Variants in PRIMA1 observed in about 807,000 individuals in gnomAD.
PRIMA1 encodes the protein proline-rich membrane anchor 1.
In PRIMA1, 7 loss-of-function variants were observed where a neutral mutation model predicts 17.5. That is an observed-to-expected ratio of 0.40 (90% CI 0.23 to 0.75). The LOEUF is 0.75. Among genes scored for constraint, PRIMA1 ranks in the 30% least tolerant of loss-of-function variants. PRIMA1 has a pLI of 0.37. For synonymous variants in PRIMA1, 97 were observed against 77.9 expected, an observed-to-expected ratio of 1.25 and a Z score of -1.29; for missense variants, 200 against 201.8, an observed-to-expected ratio of 0.99 and a Z score of 0.05.
At chr14:93,774,660 C>T (rs887744521) in intron 3 of PRIMA1, among the ~76,000 whole-genome samples, 2 of 152,200 alleles carry the variant, frequency 1.3e-5, no homozygotes, top group East Asian at 3.9e-4. Context: ...GGGAATTCTC[C>T]CACGTCTTCC....
rs1221627092 is a variant in PRIMA1, at chr14:93,779,241, C to T, written c.164G>A (p.Arg55Gln). 2.0e-6 allele frequency: 3 copies of T among 1,515,960 alleles called. No individual in the cohort carries two copies. The highest frequency in any genetic ancestry group is 1.3e-5 in the South Asian group (1 of 76,000). 93.9% of individuals were successfully genotyped at this position (1,515,960 alleles called of 1,614,324 possible). A position where few individuals can be genotyped will look rare whatever the true frequency, so the allele number is the denominator to read the frequency against. ...CGGCGGGGGCAGCGGGGGAGGGGGCCGGCACTGGCAGACGTGTCGGCAGCT... is the reference window on the plus strand; with the variant it reads ...CGGCGGGGGCAGCGGGGGAGGGGGCTGGCACTGGCAGACGTGTCGGCAGCT... ...TDSCRHVCQC[R>Q]PPPPLPPPPP... The change falls in exon 3 of 5, where the codon CGG becomes CAG. Residue 55 changes from arginine to glutamine, a missense_variant. By Grantham distance (43) the Arg-to-Gln change is conservative. Transcript: ENST00000393140.
Position 93,786,565 on chromosome 14 carries a change from C to T in PRIMA1, c.93+1061G>A, listed in dbSNP as rs202140851. Among the ~76,000 whole-genome samples the T allele has an allele frequency of 2.0e-5, 3 of 152,208 alleles. No homozygotes were observed. The East Asian group carries it at 5.8e-4, about 30-fold the overall frequency. On this transcript the variant is annotated intron_variant, in intron 2 of 4. Transcript: ENST00000393140. ...TCCTGGTCTGTCACCCCTACTAGTA[C>T]AGAGCAACCATGTGAATTGTCCCCA... is the stretch of plus-strand genomic sequence containing the variant.
At chr14:93,759,500 T>G (rs57088361) in intron 3 of PRIMA1, among the ~76,000 whole-genome samples, 21,121 of 151,970 alleles carry the variant, frequency 0.14, 2,385 homozygotes, top group African/African-American at 0.31. Context: ...CGTGCATGTG[T>G]GCGTGTGCAT....
chr14:93,755,840 A>G (rs1441839090), intron 3 of PRIMA1, among the ~76,000 whole-genome samples: 1 of 152,064 alleles, frequency 6.6e-6, no homozygotes, highest in African/African-American at 2.4e-5. Flanking sequence ...CCACAAGGGT[A>G]ATGAGAACCC....
At chr14:93,763,168 C>T (rs943351721) in intron 3 of PRIMA1, among the ~76,000 whole-genome samples, 1 of 152,210 alleles carries the variant, frequency 6.6e-6, no homozygotes, top group Admixed American at 6.5e-5. Context: ...GTGTTGCAGG[C>T]TCCTAGTATA....
chr14:93,759,657 T>G (rs778724978), intron 3 of PRIMA1, among the ~76,000 whole-genome samples: 1 of 152,138 alleles, frequency 6.6e-6, no homozygotes, highest in Non-Finnish European at 1.5e-5. Flanking sequence ...GAAGCCTCCC[T>G]GAGTGTTCCA....
At chr14:93,748,479 G>A (rs1400551877) in intron 3 of PRIMA1, among the ~76,000 whole-genome samples, 1 of 152,200 alleles carries the variant, frequency 6.6e-6, no homozygotes, top group Non-Finnish European at 1.5e-5. Flanking sequence ...CTCTGAGGAG[G>A]CGACGTTCAA....
chr14:93,763,970 C>T (rs1050488264), intron 3 of PRIMA1, among the ~76,000 whole-genome samples: 1 of 152,088 alleles, frequency 6.6e-6, no homozygotes, highest in African/African-American at 2.4e-5. Context: ...GCCTGGGACT[C>T]GGGATCTCCG....
In PRIMA1 at chr14:93,719,498, T is replaced by C. The variant is rs2076023569; in HGVS notation, c.*1946A>G. On this transcript the variant is annotated 3_prime_UTR_variant, in exon 5 of 5. Transcript: ENST00000393140. Reference sequence around the variant, plus strand: ...AGCCCAAGGCATGGGCACTTTCTCATGGTTGCAGCACAGGGTGGTGTGTGC... The same window carrying C: ...AGCCCAAGGCATGGGCACTTTCTCACGGTTGCAGCACAGGGTGGTGTGTGC... 2 of 152,364 alleles carry C rather than the reference T, an allele frequency of 1.3e-5. No individual in the cohort carries two copies. The highest frequency in any genetic ancestry group is 4.8e-5 in the African/African-American group (2 of 41,444). 9.4% of individuals were successfully genotyped at this position (152,364 alleles called of 1,614,324 possible). A position where few individuals can be genotyped will look rare whatever the true frequency, so the allele number is the denominator to read the frequency against.
intron 3 of PRIMA1, among the ~76,000 whole-genome samples, chr14:93,768,372 T>C (rs150844712): frequency 6.6e-6 from 1 of 152,212 alleles, no homozygotes; most frequent in African/African-American, 2.4e-5. Context: ...CCATCACACC[T>C]CACCTGTTTC....
intron 3 of PRIMA1, among the ~76,000 whole-genome samples, chr14:93,769,509 G>A (rs576367252): frequency 6.6e-6 from 1 of 152,202 alleles, no homozygotes; most frequent in Non-Finnish European, 1.5e-5. Context: ...CTTGAAGCAG[G>A]AGACATTCAA....
chr14:93,737,153 AAAT>A (rs1376632963), intron 4 of PRIMA1, 85 bp downstream of exon 4: 40 of 1,310,548 alleles, frequency 3.1e-5, no homozygotes, highest in Non-Finnish European at 3.4e-5. Context: ...TTATAATTTA[AAAT>A]AATGATACGG....
chr14:93,745,475 C>T (rs1218433764), intron 3 of PRIMA1, among the ~76,000 whole-genome samples: 3 of 152,238 alleles, frequency 2.0e-5, no homozygotes, highest in African/African-American at 7.2e-5. Context: ...TGTGCAGCGC[C>T]TTTCAGGCCC....
At chr14:93,774,446 G>A (rs1566977049) in intron 3 of PRIMA1, among the ~76,000 whole-genome samples, 1 of 152,206 alleles carries the variant, frequency 6.6e-6, no homozygotes, top group South Asian at 2.1e-4. Flanking sequence ...AGGCCTGCAC[G>A]AATAGGTGTT....
intron 2 of PRIMA1, among the ~76,000 whole-genome samples, chr14:93,784,508 T>A (rs1228843193): frequency 6.6e-6 from 1 of 152,192 alleles, no homozygotes; most frequent in Non-Finnish European, 1.5e-5. Flanking sequence ...GATTGTGTCA[T>A]CTGTTACTTA....
intron 4 of PRIMA1, among the ~76,000 whole-genome samples, chr14:93,732,813 C>T (rs1330999373): frequency 6.6e-6 from 1 of 152,204 alleles, no homozygotes; most frequent in African/African-American, 2.4e-5. Flanking sequence ...CCCAGCTGAG[C>T]CCAGCTGAGC....
At chr14:93,760,688 C>G (rs866834815) in intron 3 of PRIMA1, among the ~76,000 whole-genome samples, 1 of 152,208 alleles carries the variant, frequency 6.6e-6, no homozygotes, top group Admixed American at 6.5e-5. Context: ...CCACCCAGCA[C>G]CTGGTGCACA....
At chr14:93,744,318 T>TC (rs750324111) in intron 3 of PRIMA1, among the ~76,000 whole-genome samples, 1 of 151,780 alleles carries the variant, frequency 6.6e-6, no homozygotes, top group South Asian at 2.1e-4. Context: ...CGGTGCCTGC[T>TC]CCCACACCGG....
chr14:93,771,450 C>T (rs537566415), intron 3 of PRIMA1, among the ~76,000 whole-genome samples: 1 of 152,258 alleles, frequency 6.6e-6, no homozygotes, highest in South Asian at 2.1e-4. Context: ...TTAGAGTGAA[C>T]AGCTCCATCT....
Sources: gnomAD v4.1 joint callset for allele counts (sites outside exome capture counted in the v4.1 genomes callset) on GRCh38, gnomAD v4.1.1 for gene constraint, MANE v1.5 for transcripts, NCBI Gene and HGNC (gene_info 2026-07-23, HGNC 2026-07-21) for gene names.